BCAS3: variants seen among roughly 807,000 people sequenced by gnomAD.
BCAS3 encodes the protein BCAS3 microtubule associated cell migration factor, also known as BCAS4/BCAS3 fusion.
BCAS3 carries 53 observed loss-of-function variants against 116.1 expected under a neutral mutation model. The observed-to-expected ratio is 0.46, with a 90% CI of 0.37 to 0.57. The LOEUF is 0.57. Ranked by LOEUF, BCAS3 falls within the 20% of genes least tolerant of loss-of-function variation. BCAS3 has a pLI of 0.00. For missense variants in BCAS3, 917 were observed against 1,165.4 expected, an observed-to-expected ratio of 0.79 and a Z score of 3.10; for synonymous variants, 391 against 408.2, an observed-to-expected ratio of 0.96 and a Z score of 0.51.
At chr17:60,715,139 T>C (rs929614341) in intron 5 of BCAS3, among the ~76,000 whole-genome samples, 2 of 149,714 alleles carry the variant, frequency 1.3e-5, no homozygotes, top group Non-Finnish European at 3.0e-5. Flanking sequence ...TTTCTTTTTT[T>C]TTTTTTTTTT....
chr17:60,880,578 G>A (rs1599385009), intron 9 of BCAS3, among the ~76,000 whole-genome samples: 1 of 152,174 alleles, frequency 6.6e-6, no homozygotes, highest in African/African-American at 2.4e-5. Flanking sequence ...GTGAGCCACC[G>A]CGCCTAGCCA....
intron 22 of BCAS3, among the ~76,000 whole-genome samples, chr17:61,100,538 A>G (rs576804717): frequency 1.3e-4 from 20 of 152,262 alleles, no homozygotes; most frequent in Non-Finnish European, 2.5e-4. Context: ...TTTTACTGTT[A>G]TGTGTACCAT....
intron 7 of BCAS3, chr17:60,810,739 A>G (rs1355326062): frequency 9.1e-6 from 6 of 662,836 alleles, no homozygotes; most frequent in Non-Finnish European, 1.7e-5. Context: ...CACTGATGAC[A>G]CCAATGTCAC....
chr17:61,220,916 C>T lies in BCAS3; in HGVS notation c.2425+136352C>T, dbSNP rs190838427. 3.4e-3 allele frequency among the ~76,000 whole-genome samples: 522 copies of T among 152,144 alleles called. 2 individuals carry two copies. The highest frequency in any genetic ancestry group is 5.7e-3 in the Non-Finnish European group (388 of 68,008). On this transcript the variant is annotated intron_variant, in intron 22 of 23. Coordinates refer to ENST00000407086, the MANE Select transcript of BCAS3 (RefSeq NM_017679.5). The surrounding 1 kb of genome is among the most constrained non-coding windows in gnomAD (Gnocchi z 4.5). ...GAGATCGAGACCATCCTGGCCAACACGGTGAAACCCCATCTCTACTAAAAA... is the reference window on the plus strand; with the variant it reads ...GAGATCGAGACCATCCTGGCCAACATGGTGAAACCCCATCTCTACTAAAAA...
rs1395106247 is a variant in BCAS3, at chr17:61,056,551, T to A, written c.2029+15659T>A. ...TATAGATATTTTTTAAAGTTTAAGA[T>A]GCAGGCTTTGTATTAACAAAGCCCT... On this transcript the variant is annotated intron_variant, in intron 19 of 23. Coordinates refer to ENST00000407086, the MANE Select transcript of BCAS3 (RefSeq NM_017679.5). The surrounding 1 kb of genome is among the most constrained non-coding windows in gnomAD (Gnocchi z 4.9). 6.6e-6 allele frequency among the ~76,000 whole-genome samples: 1 copy of A among 152,104 alleles called. No individual in the cohort carries two copies. The highest frequency in any genetic ancestry group is 1.5e-5 in the Non-Finnish European group (1 of 68,016).
At chr17:61,269,023 G>A (rs1348941567) in intron 22 of BCAS3, among the ~76,000 whole-genome samples, 1 of 151,878 alleles carries the variant, frequency 6.6e-6, no homozygotes, top group African/African-American at 2.4e-5. Context: ...TCCATCAGTG[G>A]ACATTTAGGT....
intron 19 of BCAS3, among the ~76,000 whole-genome samples, chr17:61,044,190 G>A (rs2067790537): frequency 6.6e-6 from 1 of 151,830 alleles, no homozygotes; most frequent in African/African-American, 2.4e-5. Flanking sequence ...GCTCAGGCCT[G>A]TAATCCCAGC....
rs1474340845 is a variant in BCAS3 at position 61,188,159 on chromosome 17, C to T, written c.2425+103595C>T. Among the ~76,000 whole-genome samples, 1 of 152,142 alleles carries T rather than the reference C, an allele frequency of 6.6e-6. No individual in the cohort carries two copies. Among genetic ancestry groups the T allele is most frequent in the African/African-American group, 2.4e-5 (1 of 41,420 alleles). ...GTAGGATTTCAGGGATGTCTTCACC[C>T]CTAAAACAATCTCTCCTTGCTATTC... On this transcript the variant is annotated intron_variant, in intron 22 of 23. Coordinates refer to ENST00000407086, the MANE Select transcript of BCAS3 (RefSeq NM_017679.5). The surrounding 1 kb of genome is among the most constrained non-coding windows in gnomAD (Gnocchi z 4.0).
At chr17:60,970,850 A>G (rs923666179) in intron 14 of BCAS3, among the ~76,000 whole-genome samples, 1 of 152,228 alleles carries the variant, frequency 6.6e-6, no homozygotes, top group Non-Finnish European at 1.5e-5. Context: ...GAAAAAAGAC[A>G]TAAATTATTA....
At chr17:61,202,333 T>C (rs2080888289) in intron 22 of BCAS3, among the ~76,000 whole-genome samples, 2 of 151,690 alleles carry the variant, frequency 1.3e-5, no homozygotes, top group Non-Finnish European at 2.9e-5. Flanking sequence ...AGGAAACTGA[T>C]GAGATCTGAA....
chr17:61,153,346 T>A (rs1294186831), intron 22 of BCAS3, among the ~76,000 whole-genome samples: 1 of 152,246 alleles, frequency 6.6e-6, no homozygotes, highest in Admixed American at 6.5e-5. Context: ...CCAGTTCTAC[T>A]GGACTTTGAG....
chr17:61,021,245 A>T lies in BCAS3; in HGVS notation c.1637+5344A>T, dbSNP rs1366937113. ...TGTCTAAGTTTTGTATTTTTTGTAG[A>T]GATTGGGTTTCTCTATGTTGCCCAA... On this transcript the variant is annotated intron_variant, in intron 16 of 23. Transcript: ENST00000407086. The surrounding 1 kb of genome is among the most constrained non-coding windows in gnomAD (Gnocchi z 4.6). 6.6e-6 allele frequency among the ~76,000 whole-genome samples: 1 copy of T among 151,950 alleles called. No homozygotes were observed. The highest frequency in any genetic ancestry group is 1.5e-5 in the Non-Finnish European group (1 of 67,996).
chr17:61,053,147 A>T (rs2069042133), intron 19 of BCAS3, among the ~76,000 whole-genome samples: 1 of 152,174 alleles, frequency 6.6e-6, no homozygotes, highest in African/African-American at 2.4e-5. Context: ...AGTAGATAGG[A>T]CTTAAAAGTG....
At chr17:61,096,983 A>G (rs553193910) in intron 22 of BCAS3, among the ~76,000 whole-genome samples, 1 of 152,372 alleles carries the variant, frequency 6.6e-6, no homozygotes, top group Non-Finnish European at 1.5e-5. Context: ...ATATGGCAAA[A>G]GAAATGCATG....
At position 61,084,502 on chromosome 17, in the gene BCAS3, C is replaced by T; in HGVS notation, c.2363C>T (p.Pro788Leu). ...GTCCGCTCTGACCCCGTCAGCATGC[C>T]AGGGTCATCCCGTCCAGTCTCTGAT... ...QPVRSDPVSM[P>L]GSSRPVSDRR... Residue 788 changes from proline to leucine, a missense_variant, in exon 22 of 24, where the codon CCA becomes CTA. By Grantham distance (98) the Pro-to-Leu change is moderately conservative. Transcript: ENST00000407086. This position sits in a 1 kb window ranked among gnomAD's most constrained non-coding sequence, Gnocchi z 5.5. 6.2e-7 allele frequency: 1 copy of T among 1,614,118 alleles called. No homozygotes were observed. Among genetic ancestry groups the T allele is most frequent in the South Asian group, 1.1e-5 (1 of 91,068 alleles).
At chr17:61,182,937 C>T (rs1455534637) in intron 22 of BCAS3, among the ~76,000 whole-genome samples, 1 of 152,116 alleles carries the variant, frequency 6.6e-6, no homozygotes, top group African/African-American at 2.4e-5. Flanking sequence ...TGAATGACTT[C>T]CCTGTTACTT....
chr17:60,810,599 T>G, intron 7 of BCAS3: 1 of 723,822 alleles, frequency 1.4e-6, no homozygotes, highest in Non-Finnish European at 2.6e-6. Flanking sequence ...CCAAATACTG[T>G]GGACAGTGCC....
At chr17:60,734,469 C>A (rs2040771794) in intron 5 of BCAS3, among the ~76,000 whole-genome samples, 1 of 152,150 alleles carries the variant, frequency 6.6e-6, no homozygotes, top group African/African-American at 2.4e-5. Flanking sequence ...TCGTGTTTCA[C>A]ATTTAGGTCT....
intron 7 of BCAS3, among the ~76,000 whole-genome samples, chr17:60,849,188 A>G (rs78055432): frequency 0.03 from 4,598 of 152,290 alleles, 177 homozygotes; most frequent in East Asian, 0.092. Context: ...TGAGAGGCTA[A>G]AAACTGTCAG....
Sources: gnomAD v4.1 joint callset for allele counts (sites outside exome capture counted in the v4.1 genomes callset) on GRCh38, gnomAD v4.1.1 for gene constraint, Gnocchi (gnomAD v3.1) non-coding constraint, MANE v1.5 for transcripts, NCBI Gene and HGNC (gene_info 2026-07-23, HGNC 2026-07-21) for gene names.